The following IDNK variants were observed in gnomAD, a reference collection of about 807,000 sequenced individuals.
The protein encoded by IDNK is IDNK gluconokinase.
Under a neutral mutation model 13.0 loss-of-function variants are expected in IDNK, and 9 were observed. The observed-to-expected ratio is 0.69, with a 90% CI of 0.42 to 1.21. The LOEUF (loss-of-function observed/expected upper bound fraction) is 1.21, where lower values mean the gene tolerates loss of function less well. Ranked by LOEUF, IDNK falls within the 50% of genes most tolerant of loss-of-function variation. IDNK has a pLI of 0.00. For missense variants in IDNK, 210 were observed against 237.8 expected, an observed-to-expected ratio of 0.88 and a Z score of 0.77; for synonymous variants, 92 against 94.9, an observed-to-expected ratio of 0.97 and a Z score of 0.18.
At chr9:83,641,935 G>A (rs1274338111) in intron 4 of IDNK, among the ~76,000 whole-genome samples, 1 of 152,216 alleles carries the variant, frequency 6.6e-6, no homozygotes, top group Admixed American at 6.5e-5. Context: ...AAGTGAGTTG[G>A]TGAGTGGGCA....
intron 3 of IDNK, among the ~76,000 whole-genome samples, chr9:83,634,469 A>G (rs1219561977): frequency 6.6e-6 from 1 of 152,254 alleles, no homozygotes; most frequent in Non-Finnish European, 1.5e-5. Flanking sequence ...AAAAACATGT[A>G]TTCAAAGTAA....
chr9:83,637,356 T>C (rs961862391), intron 3 of IDNK, among the ~76,000 whole-genome samples: 1 of 152,266 alleles, frequency 6.6e-6, no homozygotes, highest in Admixed American at 6.5e-5. Context: ...TTATTTCTAA[T>C]TCTCCTCTTC....
At chr9:83,635,861 GA>G (rs1195197300) in intron 3 of IDNK, among the ~76,000 whole-genome samples, 6 of 152,176 alleles carry the variant, frequency 3.9e-5, no homozygotes, top group African/African-American at 1.4e-4. Flanking sequence ...TCTGGGGTTA[GA>G]AATCAGTCCC....
At position 83,641,608 on chromosome 9, in the gene IDNK, C is replaced by T. The variant is rs767823619; in HGVS notation, c.212+17C>T. 1 of 1,613,524 alleles carries T rather than the reference C, an allele frequency of 6.2e-7. No homozygotes were observed. The highest frequency in any genetic ancestry group is 8.5e-7 in the Non-Finnish European group (1 of 1,179,604). On this transcript the variant is annotated intron_variant, in intron 4 of 4. Transcript: ENST00000376419. Reference sequence around the variant, plus strand: ...TTTACTAAGGTAAGAGACCACCAGGCCTTGGCATAAGCCAAAGCCAGCAGG... The same window carrying T: ...TTTACTAAGGTAAGAGACCACCAGGTCTTGGCATAAGCCAAAGCCAGCAGG...
intron 4 of IDNK, among the ~76,000 whole-genome samples, chr9:83,642,333 A>G (rs1447325746): frequency 6.6e-6 from 1 of 152,166 alleles, no homozygotes; most frequent in African/African-American, 2.4e-5. Context: ...ACATAAATTC[A>G]GTTTGCTTTT....
intron 1 of IDNK, chr9:83,626,483 C>T (rs898616734): frequency 2.7e-6 from 1 of 371,524 alleles, no homozygotes; most frequent in African/African-American, 2.1e-5. Context: ...GTGGCGTGAT[C>T]TCGGCTCACT....
intron 4 of IDNK, among the ~76,000 whole-genome samples, chr9:83,643,195 T>C (rs1831361281): frequency 6.6e-6 from 1 of 152,190 alleles, no homozygotes; most frequent in Non-Finnish European, 1.5e-5. Flanking sequence ...TAGCCCCACT[T>C]AACAGATGAT....
chr9:83,629,991 G>A (rs1830967292), intron 3 of IDNK, among the ~76,000 whole-genome samples: 1 of 152,246 alleles, frequency 6.6e-6, no homozygotes, highest in Non-Finnish European at 1.5e-5. Context: ...AGAGATGAGG[G>A]CAGGTCAAAG....
At chr9:83,623,064 C>A, upstream of IDNK, 1 of 797,740 alleles carries the variant, frequency 1.3e-6, no homozygotes, top group East Asian at 3.5e-5. Flanking sequence ...CAGAGGGGCA[C>A]GGCCCTCACT....
chr9:83,633,065 C>T (rs779299946), intron 3 of IDNK, among the ~76,000 whole-genome samples: 14 of 151,200 alleles, frequency 9.3e-5, no homozygotes, highest in Non-Finnish European at 1.9e-4. Context: ...GTCCTCCAGG[C>T]GCAGTGGCTC....
chr9:83,636,161 A>G (rs143294894), intron 3 of IDNK, among the ~76,000 whole-genome samples: 9 of 152,360 alleles, frequency 5.9e-5, no homozygotes, highest in Non-Finnish European at 1.2e-4. Flanking sequence ...ATTTAGAAAG[A>G]TGAGTTCAAA....
chr9:83,627,874 AAAAAT>A (rs143055785), intron 1 of IDNK: 26,345 of 177,338 alleles, frequency 0.15, 2,171 homozygotes, highest in African/African-American at 0.25. Flanking sequence ...AAAAAAAAAA[AAAAAT>A]TACACAACAG....
chr9:83,638,885 A>G (rs1831228754), intron 3 of IDNK, among the ~76,000 whole-genome samples: 1 of 152,224 alleles, frequency 6.6e-6, no homozygotes, highest in African/African-American at 2.4e-5. Flanking sequence ...TGGAATTTCA[A>G]ATAACTTGAA....
intron 1 of IDNK, among the ~76,000 whole-genome samples, chr9:83,624,178 C>T (rs1010223108): frequency 1.3e-5 from 2 of 152,090 alleles, no homozygotes; most frequent in African/African-American, 4.8e-5. Flanking sequence ...CCCCCAAATC[C>T]CTAGCTGCCA....
At chr9:83,636,213 A>T (rs1831163070) in intron 3 of IDNK, among the ~76,000 whole-genome samples, 1 of 152,180 alleles carries the variant, frequency 6.6e-6, no homozygotes, top group Non-Finnish European at 1.5e-5. Flanking sequence ...GATCATATCT[A>T]GGGTATTGGA....
rs565975941 is a variant in IDNK, at chr9:83,643,181, T to C, written c.213-248T>C. On this transcript the variant is annotated intron_variant, in intron 4 of 4. Transcript: ENST00000376419. Reference sequence around the variant, plus strand: ...TTGACAGATCTATGGGCAAGTACCCTAGGTAGCCCCACTTAACAGATGATG... The same window carrying C: ...TTGACAGATCTATGGGCAAGTACCCCAGGTAGCCCCACTTAACAGATGATG... Among the ~76,000 whole-genome samples the C allele has an allele frequency of 3.3e-5, 5 of 152,316 alleles. No homozygotes were observed. In the South Asian group the frequency reaches 1.0e-3, roughly 32 times the overall value.
chr9:83,633,839 C>G (rs994692468), intron 3 of IDNK, among the ~76,000 whole-genome samples: 4 of 152,120 alleles, frequency 2.6e-5, no homozygotes, highest in African/African-American at 9.7e-5. Context: ...CCCTGATCAT[C>G]CAACCATTAA....
intron 3 of IDNK, among the ~76,000 whole-genome samples, chr9:83,640,952 GTT>G (rs1354473022): frequency 2.0e-5 from 3 of 152,004 alleles, no homozygotes; most frequent in Admixed American, 6.5e-5. Context: ...AGTTTTTTTT[GTT>G]TTGTTTTCCA....
In IDNK at chr9:83,643,957, A is replaced by T. The variant is rs1219244938; in HGVS notation, c.*177A>T. The stretch of plus-strand genomic sequence containing the variant: ...TAGGAATTATGCTGGTTCATCAGGA[A>T]GCAGAGGGGGAGTTTTAAAAGTCAA... On this transcript the variant is annotated 3_prime_UTR_variant, in exon 5 of 5. Coordinates refer to ENST00000376419, the MANE Select transcript of IDNK (RefSeq NM_001001551.4). 2 of 550,682 alleles carry T rather than the reference A, an allele frequency of 3.6e-6. No homozygotes were observed. The highest frequency in any genetic ancestry group is 3.8e-5 in the African/African-American group (2 of 52,928). 34.1% of individuals were successfully genotyped at this position (550,682 alleles called of 1,614,324 possible).
Sources: allele counts gnomAD v4.1 joint callset (sites outside exome capture counted in the v4.1 genomes callset), GRCh38; gene constraint gnomAD v4.1.1; transcripts MANE v1.5; gene names NCBI Gene and HGNC (gene_info 2026-07-23, HGNC 2026-07-21).